The following ADGRV1 variants were observed in gnomAD, a reference collection of about 807,000 sequenced individuals.
The protein encoded by ADGRV1 is G-protein coupled receptor 98.
Under a neutral mutation model 596.2 loss-of-function variants are expected in ADGRV1, and 359 were observed. The observed-to-expected ratio is 0.60, with a 90% CI of 0.55 to 0.66. The LOEUF (loss-of-function observed/expected upper bound fraction) is 0.66. ADGRV1 is among the 30% of genes least tolerant of loss of function. The pLI, the probability that ADGRV1 is intolerant of heterozygous loss-of-function variation, is 0.00. For synonymous variants in ADGRV1, 2,681 were observed against 2,679.2 expected (o/e 1.00, Z -0.02); for missense variants, 7,274 against 7,575.6 (o/e 0.96, Z 1.48).
At chr5:90,857,796 A>G (rs1195450390) in intron 82 of ADGRV1, among the ~76,000 whole-genome samples, 3 of 152,180 alleles carry the variant, frequency 2.0e-5, no homozygotes, top group Admixed American at 6.6e-5. Context: ...TATATCTTAC[A>G]TACATATTCT....
At chr5:90,992,715 G>A (rs1781073090) in intron 85 of ADGRV1, among the ~76,000 whole-genome samples, 1 of 152,172 alleles carries the variant, frequency 6.6e-6, no homozygotes, top group Non-Finnish European at 1.5e-5. Flanking sequence ...GCAAAATAAT[G>A]TGATATTTTC....
chr5:91,092,250 C>T (rs1057240820), intron 86 of ADGRV1, among the ~76,000 whole-genome samples: 5 of 152,132 alleles, frequency 3.3e-5, no homozygotes, highest in African/African-American at 4.8e-5. Context: ...CAGGTGCCTG[C>T]CACCAGGCTG....
chr5:91,034,897 C>T (rs77354106), intron 85 of ADGRV1, among the ~76,000 whole-genome samples: 2,001 of 152,170 alleles, frequency 0.013, 34 homozygotes, highest in African/African-American at 0.045. Context: ...GCGGTCCTCC[C>T]CCTTCAGCCT....
rs1447124713 is a variant in ADGRV1, at chr5:90,703,720, T to G, written c.8211T>G (p.Thr2737=). The part of the protein sequence containing the change: ...IRTFPGRGNV[T]VNWKIIGQNL... ...CTTTCCCTGGTCGAGGAAATGTTACTGTTAACTGGAAAATTATTGGGCAAA... is the reference window on the plus strand; with the variant it reads ...CTTTCCCTGGTCGAGGAAATGTTACGGTTAACTGGAAAATTATTGGGCAAA... Residue 2737 remains threonine, a synonymous_variant, in exon 35 of 90, where the codon ACT becomes ACG. Coordinates refer to ENST00000405460, the MANE Select transcript of ADGRV1 (RefSeq NM_032119.4). The G allele has an allele frequency of 8.7e-6, 14 of 1,605,386 alleles. No homozygotes were observed. The highest frequency in any genetic ancestry group is 1.2e-5 in the Non-Finnish European group (14 of 1,175,076).
intron 87 of ADGRV1, among the ~76,000 whole-genome samples, chr5:91,144,269 A>G (rs914256470): frequency 4.6e-5 from 7 of 152,240 alleles, no homozygotes; most frequent in African/African-American, 1.7e-4. Context: ...GCTACCATCA[A>G]TAGTGGGTAT....
At chr5:90,863,997 G>T in intron 83 of ADGRV1, 140 bp downstream of exon 83, 1 of 591,460 alleles carries the variant, frequency 1.7e-6, no homozygotes, top group East Asian at 2.9e-5. Flanking sequence ...GGAAGAGAAT[G>T]GGGACAGGAG....
chr5:90,806,983 G>T (rs1349301119), intron 72 of ADGRV1, among the ~76,000 whole-genome samples: 4 of 152,002 alleles, frequency 2.6e-5, no homozygotes, highest in Non-Finnish European at 5.9e-5. Flanking sequence ...CTCCTGAGTA[G>T]CTGGGATTAT....
intron 35 of ADGRV1, 140 bp downstream of exon 35, chr5:90,703,935 A>G: frequency 1.6e-6 from 1 of 644,558 alleles, no homozygotes; most frequent in Non-Finnish European, 2.6e-6. Context: ...TTCTTTGATG[A>G]TGTATTTAAT....
At chr5:90,724,256 G>A (rs953330908) in intron 45 of ADGRV1, among the ~76,000 whole-genome samples, 5 of 152,002 alleles carry the variant, frequency 3.3e-5, no homozygotes, top group Non-Finnish European at 5.9e-5. Context: ...TTGAGCCAGG[G>A]TCTGGCCATG....
At position 90,712,401 on chromosome 5, in the gene ADGRV1, G is replaced by A. The variant is rs1473816472; in HGVS notation, c.9157G>A (p.Gly3053Arg). 3 of 1,589,854 alleles carry A rather than the reference G, an allele frequency of 1.9e-6. No homozygotes were observed. The highest frequency in any genetic ancestry group is 1.7e-5 in the Admixed American group (1 of 58,260). Residue 3053 changes from glycine to arginine, a missense_variant, in exon 42 of 90, where the codon GGA (glycine) becomes AGA (arginine). Physicochemically the swap from Gly to Arg is moderately radical, Grantham distance 125. Around this residue, in one of 5 missense-constraint regions of ADGRV1, gnomAD observed 3,643 missense variants for 3,809.2 expected, o/e 0.96. Coordinates refer to ENST00000405460, the MANE Select transcript of ADGRV1 (RefSeq NM_032119.4). ...FQLILTNPSPGLELGKNTIAL... is the reference protein window; with the variant it reads ...FQLILTNPSPRLELGKNTIAL... ...GCTGATTTTAACAAATCCTTCTCCT[G>A]GACTAGAGCTAGGGAAAAATACAAT...
At chr5:90,651,751 C>T (rs1768658565) in intron 18 of ADGRV1, 21 bp downstream of exon 18, 2 of 1,504,508 alleles carry the variant, frequency 1.3e-6, no homozygotes, top group Non-Finnish European at 1.8e-6. Context: ...GTAGATAAGG[C>T]AAGTTTAAAA....
chr5:90,939,661 A>G lies in ADGRV1; in HGVS notation c.17857-25754A>G, dbSNP rs894808453. On this transcript the variant is annotated intron_variant, in intron 83 of 89. Coordinates refer to ENST00000405460, the MANE Select transcript of ADGRV1 (RefSeq NM_032119.4). ...CATCTGGGAATAATATTTAGAATTCATAAACAACCTTTTAGGGGAAAATTT... is the reference window on the plus strand; with the variant it reads ...CATCTGGGAATAATATTTAGAATTCGTAAACAACCTTTTAGGGGAAAATTT... 3.3e-5 allele frequency among the ~76,000 whole-genome samples: 5 copies of G among 152,362 alleles called. No individual in the cohort carries two copies. The East Asian group carries it at 5.8e-4, about 18-fold the overall frequency.
chr5:90,708,839 A>G lies in ADGRV1; in HGVS notation c.8754A>G (p.Glu2918=). Residue 2918 remains glutamate, a synonymous_variant, in exon 39 of 90, where the codon GAA becomes GAG. Transcript: ENST00000405460. ...ILEDDVPELE[E]YFLVNLTYVG... ...AGGATGATGTACCAGAGCTAGAAGA[A>G]TATTTCCTGGTGAATTTAACTTACG... is the stretch of plus-strand genomic sequence containing the variant. The G allele has an allele frequency of 6.2e-7, 1 of 1,611,624 alleles. No individual in the cohort carries two copies. Among genetic ancestry groups the G allele is most frequent in the Non-Finnish European group, 8.5e-7 (1 of 1,178,170 alleles).
In ADGRV1 at chr5:90,965,221, T is replaced by C. The variant is rs146780818; in HGVS notation, c.17857-194T>C. Among the ~76,000 whole-genome samples, 435 of 152,324 alleles carry C rather than the reference T, an allele frequency of 2.9e-3. 1 individual carries two copies. The highest frequency in any genetic ancestry group is 0.01 in the African/African-American group (421 of 41,562). ...TAGCATAATTTCATATCATGCGCTG[T>C]TTCTTAGAAATATAAAAATCCATAT... is the stretch of plus-strand genomic sequence containing the variant. On this transcript the variant is annotated intron_variant, in intron 83 of 89. Transcript: ENST00000405460.
chr5:90,874,530 T>C (rs1769030782), intron 83 of ADGRV1, among the ~76,000 whole-genome samples: 1 of 152,022 alleles, frequency 6.6e-6, no homozygotes, highest in Admixed American at 6.6e-5. Flanking sequence ...CTAGCACTCA[T>C]AAAAAGCTTT....
chr5:90,622,653 T>C lies in ADGRV1; in HGVS notation c.510T>C (p.Thr170=), dbSNP rs1160460097. 3 of 1,553,918 alleles carry C rather than the reference T, an allele frequency of 1.9e-6. No homozygotes were observed. The highest frequency in any genetic ancestry group is 2.6e-6 in the Non-Finnish European group (3 of 1,148,768). The change falls in exon 5 of 90, where the codon ACT becomes ACC. Residue 170 remains threonine, a synonymous_variant. Coordinates refer to ENST00000405460, the MANE Select transcript of ADGRV1 (RefSeq NM_032119.4). ...GCAGAAATGAGTCTATGCCTCTTAC[T>C]CTCATCAGGGAAAAGGGAACCTATG... ...PKGRNESMPL[T]LIREKGTYGM...
intron 77 of ADGRV1, among the ~76,000 whole-genome samples, chr5:90,839,631 C>T (rs1189028161): frequency 1.3e-5 from 2 of 152,164 alleles, no homozygotes; most frequent in Admixed American, 6.5e-5. Flanking sequence ...ATTCTTTCTG[C>T]CTAGAATATT....
At chr5:90,961,802 A>G (rs1467970184) in intron 83 of ADGRV1, among the ~76,000 whole-genome samples, 3 of 152,332 alleles carry the variant, frequency 2.0e-5, no homozygotes, top group African/African-American at 7.2e-5. Context: ...GAATATCTCA[A>G]ATACTTTTTG....
chr5:91,065,660 G>A (rs986041202), intron 85 of ADGRV1, among the ~76,000 whole-genome samples: 8 of 152,068 alleles, frequency 5.3e-5, no homozygotes, highest in African/African-American at 1.4e-4. Context: ...ACTCCATGCC[G>A]CCCACATAAA....
Sources: gnomAD v4.1 joint callset for allele counts (sites outside exome capture counted in the v4.1 genomes callset) on GRCh38, gnomAD v4.1.1 for gene constraint, gnomAD v4.1.1 regional missense constraint, MANE v1.5 for transcripts, NCBI Gene and HGNC (gene_info 2026-07-23, HGNC 2026-07-21) for gene names.